SCML2: variants seen among roughly 807,000 people sequenced by gnomAD.
SCML2 encodes sex comb on midleg-like protein 2.
Under a neutral mutation model 48.4 loss-of-function variants are expected in SCML2, and 6 were observed. The ratio of observed to expected loss-of-function variants is 0.12; its 90% CI spans 0.07 to 0.24. The LOEUF (loss-of-function observed/expected upper bound fraction) is 0.24, where lower values mean the gene tolerates loss of function less well. Among genes scored for constraint, SCML2 ranks in the 10% least tolerant of loss-of-function variants. SCML2 has a pLI of 1.00. For synonymous variants in SCML2, 181 were observed against 189.5 expected (o/e 0.95, Z 0.37); for missense variants, 377 against 528.2 (o/e 0.71, Z 2.81).
intron 7 of SCML2, among the ~76,000 whole-genome samples, chrX:18,287,131 G>A (rs186315522): frequency 9.0e-6 from 1 of 111,675 alleles, no homozygotes; most frequent in East Asian, 2.8e-4. Context: ...CAGTTTTACA[G>A]TATTAAAAAT....
At chrX:18,319,928 G>C (rs1439386070) in intron 6 of SCML2, among the ~76,000 whole-genome samples, 1 of 111,587 alleles carries the variant, frequency 9.0e-6, no homozygotes, top group African/African-American at 3.3e-5. Flanking sequence ...CAACCATCTG[G>C]AAGCCAAGAA....
chrX:18,350,667 G>A (rs1930345669), intron 1 of SCML2, among the ~76,000 whole-genome samples: 2 of 108,652 alleles, frequency 1.8e-5, no homozygotes, highest in Admixed American at 2.0e-4. Context: ...ATTGCTTGAA[G>A]CCAGGAGGCA....
At chrX:18,243,475 T>C (rs1926338882) in intron 13 of SCML2, among the ~76,000 whole-genome samples, 1 of 112,189 alleles carries the variant, frequency 8.9e-6, no homozygotes, top group African/African-American at 3.2e-5. Context: ...CAAATCTCTC[T>C]GATGTATCCA....
In SCML2 at chrX:18,300,580, CA is replaced by C. The variant is rs762745664; in HGVS notation, c.730+4391del. 1.3e-4 allele frequency among the ~76,000 whole-genome samples: 14 copies of C among 110,334 alleles called. No individual in the cohort carries two copies. In the East Asian group the frequency reaches 4.0e-3, roughly 32 times the overall value. ...CCAAGGCAGGTGGATCACCTGAGGT[CA>C]GGAGTTCAAGACCAGCCTGGCCAAC... On this transcript the variant is annotated intron_variant, in intron 7 of 14. Coordinates refer to ENST00000251900, the MANE Select transcript of SCML2 (RefSeq NM_006089.3).
Position 18,324,971 on chromosome X carries a change from A to T in SCML2, c.98T>A (p.Phe33Tyr). Residue 33 changes from phenylalanine (F) to tyrosine (Y), a missense_variant, in exon 4 of 15, where the codon TTC becomes TAC. Physicochemically the swap from Phe to Tyr is conservative, Grantham distance 22. Around this residue, in one of 3 missense-constraint regions of SCML2, gnomAD observed 61 missense variants for 59.9 expected, o/e 1.02. Coordinates refer to ENST00000251900, the MANE Select transcript of SCML2 (RefSeq NM_006089.3). ...SSTSSVQRDD[F>Y]HWEEYLKETG... The stretch of plus-strand genomic sequence containing the variant: ...CTCTTTCAAATACTCCTCCCAGTGG[A>T]AATCATCTGGAAAAAACACATGTGC... 2.5e-6 allele frequency: 3 copies of T among 1,195,115 alleles called. No homozygotes were observed. Among genetic ancestry groups the T allele is most frequent in the Non-Finnish European group, 3.4e-6 (3 of 881,410 alleles).
chrX:18,335,556 A>G (rs1191784585), intron 1 of SCML2, among the ~76,000 whole-genome samples: 1 of 111,462 alleles, frequency 9.0e-6, no homozygotes, highest in Non-Finnish European at 1.9e-5. Flanking sequence ...ATTCAGTCCA[A>G]TAAACTGAGG....
intron 1 of SCML2, among the ~76,000 whole-genome samples, chrX:18,351,090 T>C (rs1930360785): frequency 9.1e-6 from 1 of 110,280 alleles, no homozygotes; most frequent in African/African-American, 3.3e-5. Context: ...GCCAACTAGG[T>C]GAAACCCCGT....
chrX:18,321,485 T>A (rs907996234), intron 5 of SCML2, among the ~76,000 whole-genome samples: 1 of 109,066 alleles, frequency 9.2e-6, no homozygotes, highest in Admixed American at 9.9e-5. Context: ...GGGTGCAGGT[T>A]TTGTCCTATT....
Position 18,305,103 on chromosome X carries a change from T to C in SCML2, c.599A>G (p.Asp200Gly), listed in dbSNP as rs762883867. Residue 200 changes from aspartate (D) to glycine (G), a missense_variant, in exon 7 of 15, where the codon GAT (aspartate) becomes GGT (glycine). By Grantham distance (94) the Asp-to-Gly change is moderately conservative (BLOSUM62 -1). Around this residue, in one of 3 missense-constraint regions of SCML2, gnomAD observed 299 missense variants for 425.5 expected, o/e 0.70. Transcript: ENST00000251900. The part of the protein sequence containing the change: ...CPATIGDVKG[D>G]EVHITFDGWS... Reference sequence around the variant, plus strand: ...GCCATCAAATGTGATATGAACTTCATCCCCTTTAACATCTCCAATGGTCGC... The same window carrying C: ...GCCATCAAATGTGATATGAACTTCACCCCCTTTAACATCTCCAATGGTCGC... 2 of 1,211,496 alleles carry C rather than the reference T, an allele frequency of 1.7e-6. No homozygotes were observed. Among genetic ancestry groups the C allele is most frequent in the Non-Finnish European group, 1.1e-6 (1 of 895,391 alleles).
At chrX:18,273,749 G>A (rs750926326) in intron 7 of SCML2, among the ~76,000 whole-genome samples, 68 of 111,276 alleles carry the variant, frequency 6.1e-4, no homozygotes, top group Admixed American at 1.3e-3. Context: ...CTCAAATGTT[G>A]CCTTTTCCAA....
At chrX:18,343,923 T>TAAAAAAAAAAAAAA (rs1203495780) in intron 1 of SCML2, among the ~76,000 whole-genome samples, 4 of 53,311 alleles carry the variant, frequency 7.5e-5, no homozygotes, top group Middle Eastern at 0.014. Flanking sequence ...TGCCTCTATT[T>TAAAAAAAAAAAAAA]AAAAAAAAAA....
intron 6 of SCML2, among the ~76,000 whole-genome samples, chrX:18,313,651 A>C (rs143078064): frequency 5.2e-4 from 58 of 111,460 alleles, no homozygotes; most frequent in African/African-American, 1.8e-3. Context: ...AAATACTGTC[A>C]TGTGTCCCTA....
chrX:18,280,627 TG>T (rs1270716589), intron 7 of SCML2, among the ~76,000 whole-genome samples: 1 of 111,858 alleles, frequency 8.9e-6, no homozygotes, highest in Non-Finnish European at 1.9e-5. Context: ...CCATCTTACA[TG>T]TAACAACACT....
chrX:18,339,746 G>GAA (rs1239095849), intron 1 of SCML2, among the ~76,000 whole-genome samples: 3 of 111,084 alleles, frequency 2.7e-5, no homozygotes, highest in Non-Finnish European at 5.7e-5. Flanking sequence ...AAAAAGAAGA[G>GAA]AAGGTGGCTT....
At position 18,239,603 on chromosome X, in the gene SCML2, C is replaced by T. The variant is rs1472334031; in HGVS notation, c.*1648G>A. The T allele has an allele frequency of 8.9e-6, 1 of 112,911 alleles. No homozygotes were observed. The highest frequency in any genetic ancestry group is 1.9e-5 in the Non-Finnish European group (1 of 53,347). 9.3% of individuals were successfully genotyped at this position (112,911 alleles called of 1,213,427 possible). ...TGGCATTTACAACAAATGGCTAATACTTTTATAACTGATTCTCATAGCTTA... is the reference window on the plus strand; with the variant it reads ...TGGCATTTACAACAAATGGCTAATATTTTTATAACTGATTCTCATAGCTTA... On this transcript the variant is annotated 3_prime_UTR_variant, in exon 15 of 15. Transcript: ENST00000251900.
chrX:18,246,733 T>A lies in SCML2; in HGVS notation c.1666A>T (p.Asn556Tyr), dbSNP rs1427024748. 4.1e-6 allele frequency: 5 copies of A among 1,208,181 alleles called. No individual in the cohort carries two copies. Among genetic ancestry groups the A allele is most frequent in the Non-Finnish European group, 5.6e-6 (5 of 892,692 alleles). ...TACATAGGATTTCTACAGGCAGGAT[T>A]CAAATAATTTCCTGAATTTAGTGAT... The part of the protein sequence containing the change: ...SSSLNSGNYL[N>Y]PACRNPMYIH... Residue 556 changes from asparagine to tyrosine, a missense_variant, in exon 13 of 15, where the codon AAT becomes TAT. Physicochemically the swap from Asn to Tyr is moderately radical, Grantham distance 143. This residue lies in a region of SCML2 where 299 missense variants were observed against 425.5 expected (regional missense o/e 0.70). Coordinates refer to ENST00000251900, the MANE Select transcript of SCML2 (RefSeq NM_006089.3).
intron 7 of SCML2, among the ~76,000 whole-genome samples, chrX:18,273,531 C>T (rs894872616): frequency 5.4e-5 from 6 of 111,683 alleles, no homozygotes; most frequent in Non-Finnish European, 7.5e-5. Context: ...TATGCTTCCT[C>T]CCTCCAAATG....
In SCML2 at chrX:18,305,101, C is replaced by T; in HGVS notation, c.601G>A (p.Glu201Lys). The T allele has an allele frequency of 8.3e-7, 1 of 1,211,523 alleles. No individual in the cohort carries two copies. The highest frequency in any genetic ancestry group is 1.1e-6 in the Non-Finnish European group (1 of 895,426). Residue 201 changes from glutamate to lysine, a missense_variant, in exon 7 of 15, where the codon GAA becomes AAA. This residue lies in a region of SCML2 where 299 missense variants were observed against 425.5 expected (regional missense o/e 0.70). Coordinates refer to ENST00000251900, the MANE Select transcript of SCML2 (RefSeq NM_006089.3). ...PATIGDVKGDEVHITFDGWSG... is the reference protein window; with the variant it reads ...PATIGDVKGDKVHITFDGWSG... The stretch of plus-strand genomic sequence containing the variant: ...CAGCCATCAAATGTGATATGAACTT[C>T]ATCCCCTTTAACATCTCCAATGGTC...
chrX:18,278,394 C>T (rs1054032818), intron 7 of SCML2, among the ~76,000 whole-genome samples: 1 of 111,684 alleles, frequency 9.0e-6, no homozygotes, highest in Non-Finnish European at 1.9e-5. Context: ...ACTCTGGCCA[C>T]GGACCTCTGT....
Sources: gnomAD v4.1 joint callset for allele counts (sites outside exome capture counted in the v4.1 genomes callset) on GRCh38, gnomAD v4.1.1 for gene constraint, gnomAD v4.1.1 regional missense constraint, MANE v1.5 for transcripts, NCBI Gene and HGNC (gene_info 2026-07-23, HGNC 2026-07-21) for gene names.